AGBL4: variants seen among roughly 807,000 people sequenced by gnomAD.
AGBL4 encodes the protein cytosolic carboxypeptidase 6.
A neutral mutation model predicts 66.4 loss-of-function variants in AGBL4; 58 were observed. The ratio of observed to expected loss-of-function variants is 0.87; its 90% CI spans 0.71 to 1.09. The LOEUF is 1.09. AGBL4 is among the 50% of genes least tolerant of loss of function. The pLI, the probability that AGBL4 is intolerant of heterozygous loss-of-function variation, is 0.00. For synonymous variants in AGBL4, 234 were observed against 222.9 expected, an observed-to-expected ratio of 1.05 and a Z score of -0.44; for missense variants, 579 against 631.0, an observed-to-expected ratio of 0.92 and a Z score of 0.88.
chr1:49,088,834 T>C (rs996067342), intron 4 of AGBL4, among the ~76,000 whole-genome samples: 5 of 152,078 alleles, frequency 3.3e-5, no homozygotes, highest in Admixed American at 2.0e-4. Context: ...TATTCTAAAA[T>C]TGACCTCACA....
chr1:49,569,623 A>C (rs74571455), intron 3 of AGBL4, among the ~76,000 whole-genome samples: 124 of 152,286 alleles, frequency 8.1e-4, no homozygotes, highest in African/African-American at 2.8e-3. Context: ...GTACAAATGC[A>C]ATTCTGCCAC....
intron 6 of AGBL4, chr1:48,776,667 C>G: frequency 2.0e-6 from 3 of 1,497,322 alleles, no homozygotes; most frequent in South Asian, 1.3e-5. Flanking sequence ...GGGGGGCGCG[C>G]GGGGGGCTCT....
intron 5 of AGBL4, among the ~76,000 whole-genome samples, chr1:48,885,228 T>C (rs962671485): frequency 2.0e-5 from 3 of 152,194 alleles, no homozygotes; most frequent in Non-Finnish European, 4.4e-5. Context: ...ATGTGGAAAT[T>C]ATGTGAAATT....
intron 1 of AGBL4, chr1:49,994,756 C>T: frequency 4.5e-6 from 1 of 220,718 alleles, no homozygotes; most frequent in Non-Finnish European, 9.2e-6. Flanking sequence ...ATCTACAGAC[C>T]CTTTGAAGGA....
chr1:49,004,115 C>A (rs1249785098), intron 5 of AGBL4, among the ~76,000 whole-genome samples: 4 of 152,222 alleles, frequency 2.6e-5, no homozygotes, highest in Admixed American at 1.3e-4. Context: ...CATTGAGCCT[C>A]CCTCTCTTAC....
chr1:48,791,401 A>G (rs1645547192), intron 6 of AGBL4, among the ~76,000 whole-genome samples: 1 of 152,074 alleles, frequency 6.6e-6, no homozygotes, highest in African/African-American at 2.4e-5. Flanking sequence ...TCCTGCTGCC[A>G]TTTCCATGCT....
Position 49,948,116 on chromosome 1 carries a change from A to C in AGBL4, c.34+75647T>G, listed in dbSNP as rs1295422713. On this transcript the variant is annotated intron_variant, in intron 1 of 13. Coordinates refer to ENST00000371839, the MANE Select transcript of AGBL4 (RefSeq NM_032785.4). Reference sequence around the variant, plus strand: ...TGTATATGTATATATATGTAAATGTATGTAAATATATATAAATATATGTAA... The same window carrying C: ...TGTATATGTATATATATGTAAATGTCTGTAAATATATATAAATATATGTAA... Among the ~76,000 whole-genome samples the C allele has an allele frequency of 9.0e-4, 73 of 81,240 alleles. 3 individuals carry two copies. The South Asian group carries it at 0.031, about 34-fold the overall frequency. 53.3% of individuals were successfully genotyped at this position (81,240 alleles called of 152,430 possible).
At chr1:49,945,312 G>A (rs962848056) in intron 1 of AGBL4, among the ~76,000 whole-genome samples, 1 of 152,022 alleles carries the variant, frequency 6.6e-6, no homozygotes, top group African/African-American at 2.4e-5. Context: ...CAAGATGTGA[G>A]GCAAAAGCAC....
At chr1:48,906,040 A>T (rs1652557398) in intron 5 of AGBL4, among the ~76,000 whole-genome samples, 1 of 152,230 alleles carries the variant, frequency 6.6e-6, no homozygotes, top group African/African-American at 2.4e-5. Context: ...TAGGATTTTA[A>T]GGTAGTGCTA....
intron 1 of AGBL4, among the ~76,000 whole-genome samples, chr1:50,012,240 A>G (rs1168613071): frequency 6.6e-6 from 1 of 151,826 alleles, no homozygotes; most frequent in African/African-American, 2.4e-5. Flanking sequence ...TATGGATTGA[A>G]AAAAAAATAG....
chr1:49,382,088 G>C (rs1644628536), intron 3 of AGBL4, among the ~76,000 whole-genome samples: 1 of 152,172 alleles, frequency 6.6e-6, no homozygotes, highest in Non-Finnish European at 1.5e-5. Context: ...TGATCCACAT[G>C]AACATTTCTA....
rs1053602487 is a variant in AGBL4 at position 49,649,672 on chromosome 1, C to A, written c.282+47641G>T. Reference sequence around the variant, plus strand: ...ATGGACATCTATAAACTACTTCATCCAACAACAGAAGAATATACATTCTTC... The same window carrying A: ...ATGGACATCTATAAACTACTTCATCAAACAACAGAAGAATATACATTCTTC... On this transcript the variant is annotated intron_variant, in intron 3 of 13. Coordinates refer to ENST00000371839, the MANE Select transcript of AGBL4 (RefSeq NM_032785.4). 2.6e-4 allele frequency among the ~76,000 whole-genome samples: 39 copies of A among 152,008 alleles called. 1 individual carries two copies. The highest frequency in any genetic ancestry group is 9.7e-5 in the African/African-American group (4 of 41,406).
chr1:48,585,185 T>G (rs1644799665), intron 11 of AGBL4: 1 of 152,184 alleles, frequency 6.6e-6, no homozygotes, highest in African/African-American at 2.4e-5. Context: ...CACATTTTCT[T>G]CTAAGACAGA....
At chr1:48,803,739 G>A (rs893780161) in intron 6 of AGBL4, among the ~76,000 whole-genome samples, 3 of 152,160 alleles carry the variant, frequency 2.0e-5, no homozygotes, top group Non-Finnish European at 4.4e-5. Flanking sequence ...TGCAGACCTT[G>A]GGAGAGAAAC....
chr1:48,780,758 A>AC (rs1348755367), intron 6 of AGBL4, among the ~76,000 whole-genome samples: 1 of 152,192 alleles, frequency 6.6e-6, no homozygotes, highest in African/African-American at 2.4e-5. Flanking sequence ...CCCTCCTTAC[A>AC]CCTTATACAA....
At chr1:49,604,286 G>A (rs1056053449) in intron 3 of AGBL4, among the ~76,000 whole-genome samples, 7 of 152,140 alleles carry the variant, frequency 4.6e-5, no homozygotes, top group Non-Finnish European at 7.3e-5. Context: ...GGGTAACGTG[G>A]TACCTCGTTG....
chr1:49,951,098 G>A (rs1015164654), intron 1 of AGBL4, among the ~76,000 whole-genome samples: 23 of 151,884 alleles, frequency 1.5e-4, no homozygotes, highest in Admixed American at 7.2e-4. Context: ...GGAATCAAGA[G>A]ATCCTGATCA....
intron 11 of AGBL4, among the ~76,000 whole-genome samples, chr1:48,558,928 G>A (rs893725656): frequency 1.3e-5 from 2 of 152,146 alleles, no homozygotes; most frequent in African/African-American, 4.8e-5. Context: ...TTTTACAGAT[G>A]AGGAAGAGAT....
At position 49,585,168 on chromosome 1, in the gene AGBL4, G is replaced by A. The variant is rs75919115; in HGVS notation, c.282+112145C>T. On this transcript the variant is annotated intron_variant, in intron 3 of 13. Coordinates refer to ENST00000371839, the MANE Select transcript of AGBL4 (RefSeq NM_032785.4). ...CCTTCTCTGGGGAACAAACTACAGC[G>A]TAGCTCTACATCATCTCTGCCTCCC... Among the ~76,000 whole-genome samples the A allele has an allele frequency of 3.3e-3, 505 of 152,278 alleles. 29 individuals are homozygous for A. In the East Asian group the frequency reaches 0.08, roughly 24 times the overall value.
Sources: gnomAD v4.1 joint callset for allele counts (sites outside exome capture counted in the v4.1 genomes callset) on GRCh38, gnomAD v4.1.1 for gene constraint, MANE v1.5 for transcripts, NCBI Gene and HGNC (gene_info 2026-07-23, HGNC 2026-07-21) for gene names.